The following GPC5 variants were observed in gnomAD, a reference collection of about 807,000 sequenced individuals.
The protein encoded by GPC5 is glypican 5, also known as glypican-5.
A neutral mutation model predicts 53.9 loss-of-function variants in GPC5; 47 were observed. That is an observed-to-expected ratio of 0.87 (90% CI 0.69 to 1.11). The LOEUF is 1.11. Ranked by LOEUF, GPC5 falls within the 50% of genes most tolerant of loss-of-function variation. The pLI, the probability that GPC5 is intolerant of heterozygous loss-of-function variation, is 0.00. For missense variants in GPC5, 748 were observed against 713.1 expected (o/e 1.05, Z -0.56); for synonymous variants, 286 against 263.3 (o/e 1.09, Z -0.84).
chr13:92,788,069 TA>T (rs1341353881), intron 7 of GPC5, among the ~76,000 whole-genome samples: 1 of 152,068 alleles, frequency 6.6e-6, no homozygotes, highest in African/African-American at 2.4e-5. Context: ...GTATGAAACA[TA>T]AACCTGTACC....
At chr13:92,256,314 G>A (rs79006638) in intron 7 of GPC5, among the ~76,000 whole-genome samples, 4,481 of 151,828 alleles carry the variant, frequency 0.03, 88 homozygotes, top group Non-Finnish European at 0.046. Context: ...CTATGATCTC[G>A]AATATTTATA....
At chr13:91,923,960 C>T (rs2039742616) in intron 6 of GPC5, among the ~76,000 whole-genome samples, 1 of 152,004 alleles carries the variant, frequency 6.6e-6, no homozygotes, top group Non-Finnish European at 1.5e-5. Flanking sequence ...AGTAACTTCC[C>T]ATTGTATACA....
chr13:91,776,328 GA>G (rs919650368), intron 5 of GPC5, among the ~76,000 whole-genome samples: 13 of 152,200 alleles, frequency 8.5e-5, no homozygotes, highest in African/African-American at 2.6e-4. Flanking sequence ...TGCAGGCTGT[GA>G]TTATAAAGGT....
intron 7 of GPC5, among the ~76,000 whole-genome samples, chr13:92,426,683 G>A (rs569091792): frequency 6.6e-6 from 1 of 152,012 alleles, no homozygotes; most frequent in Non-Finnish European, 1.5e-5. Context: ...GCTTCACTCA[G>A]TATAGCTCTT....
intron 7 of GPC5, among the ~76,000 whole-genome samples, chr13:92,159,642 G>T (rs1485236745): frequency 8.7e-5 from 10 of 115,024 alleles, no homozygotes; most frequent in African/African-American, 3.0e-4. Flanking sequence ...TCGCTCCGTC[G>T]CCCAGGCTGG....
intron 7 of GPC5, among the ~76,000 whole-genome samples, chr13:92,184,756 A>T (rs190273317): frequency 6.6e-6 from 1 of 152,286 alleles, no homozygotes; most frequent in East Asian, 1.9e-4. Flanking sequence ...ATATTATATG[A>T]GTGTATCATT....
intron 5 of GPC5, among the ~76,000 whole-genome samples, chr13:91,878,159 ATGTC>A (rs1409016465): frequency 6.6e-6 from 1 of 152,128 alleles, no homozygotes; most frequent in Non-Finnish European, 1.5e-5. Flanking sequence ...GACTAGTTAA[ATGTC>A]TGGGATTTTG....
intron 7 of GPC5, among the ~76,000 whole-genome samples, chr13:92,563,477 A>G (rs948980577): frequency 1.1e-4 from 17 of 151,914 alleles, no homozygotes; most frequent in African/African-American, 4.1e-4. Flanking sequence ...TTTTGTTGAA[A>G]AGGACTCAAT....
At chr13:91,432,578 T>G (rs56326436) in intron 1 of GPC5, among the ~76,000 whole-genome samples, 2 of 152,152 alleles carry the variant, frequency 1.3e-5, no homozygotes, top group African/African-American at 4.8e-5. Context: ...CTTATTTGTC[T>G]GAATTTGTCG....
chr13:92,008,156 G>A (rs2040625638), intron 6 of GPC5, among the ~76,000 whole-genome samples: 3 of 146,208 alleles, frequency 2.1e-5, no homozygotes, highest in South Asian at 2.2e-4. Context: ...TCCGCCTCCC[G>A]GGTTCACGCC....
At chr13:92,743,128 A>G (rs9523802) in intron 7 of GPC5, among the ~76,000 whole-genome samples, 25,144 of 151,836 alleles carry the variant, frequency 0.17, 2,457 homozygotes, top group Non-Finnish European at 0.23. Context: ...GAAGAAAGTC[A>G]TTGCTAGCTT....
At chr13:92,530,925 G>T (rs1328982555) in intron 7 of GPC5, among the ~76,000 whole-genome samples, 4 of 152,086 alleles carry the variant, frequency 2.6e-5, no homozygotes, top group Non-Finnish European at 5.9e-5. Context: ...GTGATCTTTT[G>T]AAAAGCACAC....
chr13:91,470,432 T>TA (rs892811642), intron 2 of GPC5, among the ~76,000 whole-genome samples: 5 of 151,894 alleles, frequency 3.3e-5, no homozygotes, highest in African/African-American at 1.2e-4. Context: ...AGGTGATGGG[T>TA]AAAAAAAATT....
chr13:92,058,604 G>A (rs2041095617), intron 6 of GPC5, among the ~76,000 whole-genome samples: 1 of 152,150 alleles, frequency 6.6e-6, no homozygotes, highest in Admixed American at 6.5e-5. Context: ...GTGTGGTGGT[G>A]CGATCTTAGC....
intron 7 of GPC5, among the ~76,000 whole-genome samples, chr13:92,591,820 T>C (rs940820879): frequency 1.3e-5 from 2 of 152,112 alleles, no homozygotes; most frequent in Non-Finnish European, 2.9e-5. Flanking sequence ...CTTTTTCAGA[T>C]TCTATATGAG....
chr13:92,651,165 C>A (rs1321660612), intron 7 of GPC5, among the ~76,000 whole-genome samples: 3 of 148,080 alleles, frequency 2.0e-5, no homozygotes, highest in African/African-American at 7.5e-5. Flanking sequence ...ATAAACTCCC[C>A]TTTATATATA....
At chr13:91,973,652 A>C (rs1029929899) in intron 6 of GPC5, among the ~76,000 whole-genome samples, 13 of 152,190 alleles carry the variant, frequency 8.5e-5, no homozygotes, top group African/African-American at 3.1e-4. Context: ...TTTGGTGTGG[A>C]TGTCCTTTCT....
chr13:92,573,436 G>A (rs1359654698), intron 7 of GPC5, among the ~76,000 whole-genome samples: 1 of 152,118 alleles, frequency 6.6e-6, no homozygotes, highest in African/African-American at 2.4e-5. Context: ...GAGACAAGAA[G>A]CAGATGATTT....
At chr13:92,356,214 A>G (rs2043521099) in intron 7 of GPC5, among the ~76,000 whole-genome samples, 1 of 152,186 alleles carries the variant, frequency 6.6e-6, no homozygotes. Context: ...CACTTAGTCC[A>G]TAACATGACC....
Sources: allele counts gnomAD v4.1 joint callset (sites outside exome capture counted in the v4.1 genomes callset), GRCh38; gene constraint gnomAD v4.1.1; transcripts MANE v1.5; gene names NCBI Gene and HGNC (gene_info 2026-07-23, HGNC 2026-07-21).